Variants in NRG1 observed in about 807,000 individuals in gnomAD.
NRG1 encodes the protein pro-neuregulin-1, membrane-bound isoform.
In NRG1, 18 loss-of-function variants were observed where a neutral mutation model predicts 63.8. That is an observed-to-expected ratio of 0.28 (90% CI 0.19 to 0.42). The LOEUF is 0.42. Among genes scored for constraint, NRG1 ranks in the 10% least tolerant of loss-of-function variants. The probability of loss-of-function intolerance (pLI) is 1.00; values close to 1 mark genes in which losing one functional copy is unlikely to be tolerated. For synonymous variants in NRG1, 302 were observed against 301.3 expected, an observed-to-expected ratio of 1.00 and a Z score of -0.02; for missense variants, 762 against 814.7, an observed-to-expected ratio of 0.94 and a Z score of 0.79.
chr8:32,422,999 G>A (rs1046908061), intron 1 of NRG1, among the ~76,000 whole-genome samples: 1 of 152,176 alleles, frequency 6.6e-6, no homozygotes, highest in African/African-American at 2.4e-5. Flanking sequence ...AAGCCCTTTG[G>A]AGATGCCCCC....
chr8:32,548,816 C>A (rs762097528), exon 1 of NRG1: 20 of 1,570,246 alleles, frequency 1.3e-5, no homozygotes, highest in East Asian at 4.6e-5. Context: ...CGGCGGGCAG[C>A]CAGAGCCCAG....
intron 1 of NRG1, among the ~76,000 whole-genome samples, chr8:31,946,144 A>G (rs1234345547): frequency 6.6e-6 from 1 of 152,190 alleles, no homozygotes; most frequent in Non-Finnish European, 1.5e-5. Flanking sequence ...CAGCTTTATA[A>G]TTGCCTAAAC....
intron 1 of NRG1, among the ~76,000 whole-genome samples, chr8:31,721,528 C>T (rs1812914683): frequency 6.6e-6 from 1 of 152,152 alleles, no homozygotes; most frequent in African/African-American, 2.4e-5. Flanking sequence ...AGAGCATCAC[C>T]TCCTATCAGA....
chr8:32,375,768 G>A (rs1681817524), intron 1 of NRG1, among the ~76,000 whole-genome samples: 1 of 152,192 alleles, frequency 6.6e-6, no homozygotes. Flanking sequence ...GTCTTCTGCT[G>A]TAAAGAGCTG....
rs117528428 is a variant in NRG1, at chr8:31,686,637, A to C, written c.37+47206A>C. ...GCTACTTTTTATATAATGAGATTTT[A>C]TATTCCATAAATTATTATTTGACTT... On this transcript the variant is annotated intron_variant, in intron 1 of 10. Coordinates refer to the NRG1 transcript ENST00000519301. Among the ~76,000 whole-genome samples the C allele has an allele frequency of 0.013, 2,005 of 152,274 alleles. 63 individuals are homozygous for C. The South Asian group carries it at 0.14, about 11-fold the overall frequency.
At chr8:32,254,599 G>A (rs1849475481) in intron 1 of NRG1, among the ~76,000 whole-genome samples, 1 of 152,152 alleles carries the variant, frequency 6.6e-6, no homozygotes, top group Admixed American at 6.5e-5. Context: ...TTCCAATTAT[G>A]TGGTCAGTTT....
At chr8:31,741,703 A>C (rs547722373) in intron 1 of NRG1, among the ~76,000 whole-genome samples, 2 of 152,148 alleles carry the variant, frequency 1.3e-5, no homozygotes, top group Non-Finnish European at 2.9e-5. Flanking sequence ...AAAATCTAGA[A>C]ATTATGACAA....
At chr8:32,331,517 G>A (rs561765234) in intron 1 of NRG1, among the ~76,000 whole-genome samples, 1 of 151,976 alleles carries the variant, frequency 6.6e-6, no homozygotes, top group Admixed American at 6.6e-5. Context: ...GGTGACAGAG[G>A]GAGATCTTGT....
chr8:32,421,475 G>A (rs1208172866), intron 1 of NRG1, among the ~76,000 whole-genome samples: 2 of 152,162 alleles, frequency 1.3e-5, no homozygotes, highest in African/African-American at 4.8e-5. Flanking sequence ...CAGGCACGCC[G>A]CATGATGAGT....
chr8:31,865,085 G>T (rs535797327), intron 1 of NRG1, among the ~76,000 whole-genome samples: 1 of 152,136 alleles, frequency 6.6e-6, no homozygotes, highest in African/African-American at 2.4e-5. Flanking sequence ...GGGCCAAAGC[G>T]TTTTCAGTTT....
At chr8:32,218,104 C>T (rs909489399) in intron 1 of NRG1, among the ~76,000 whole-genome samples, 5 of 152,102 alleles carry the variant, frequency 3.3e-5, no homozygotes, top group East Asian at 1.9e-4. Flanking sequence ...AAAATAGTGG[C>T]GATATTAAGA....
At chr8:32,296,646 A>G (rs1186346843) in intron 1 of NRG1, among the ~76,000 whole-genome samples, 6 of 151,746 alleles carry the variant, frequency 4.0e-5, no homozygotes, top group African/African-American at 1.2e-4. Context: ...TTCCTTAAAA[A>G]CAAAAAAAGC....
At position 32,764,522 on chromosome 8, in the gene NRG1, A is replaced by G; in HGVS notation, c.*120A>G. 7 of 942,254 alleles carry G rather than the reference A, an allele frequency of 7.4e-6. No homozygotes were observed. In the South Asian group the frequency reaches 1.2e-4, roughly 17 times the overall value. 58.4% of individuals were successfully genotyped at this position (942,254 alleles called of 1,614,324 possible). On this transcript the variant is annotated 3_prime_UTR_variant, in exon 12 of 12. Transcript: ENST00000356819. ...TCTGCAAATAGAAAACAGGAAAAAAACTTTTATAAATTAAATATATGTATG... is the reference window on the plus strand; with the variant it reads ...TCTGCAAATAGAAAACAGGAAAAAAGCTTTTATAAATTAAATATATGTATG...
chr8:32,171,266 G>C (rs1840000303), intron 1 of NRG1: 1 of 152,156 alleles, frequency 6.6e-6, no homozygotes. Context: ...TGGGATACAT[G>C]TGCAGAACAT....
At chr8:32,042,990 A>G (rs77925862) in intron 1 of NRG1, among the ~76,000 whole-genome samples, 32 of 9,516 alleles carry the variant, frequency 3.4e-3, no homozygotes, top group East Asian at 0.01. Context: ...GTGTGTGTGT[A>G]TGAACATGTA....
chr8:32,706,297 T>C lies in NRG1; in HGVS notation c.503-21652T>C, dbSNP rs577232095. The stretch of plus-strand genomic sequence containing the variant: ...CAAACAGATCAGATGTAGGCATAGA[T>C]ATATTAGAATACTTTATATCTTCTC... On this transcript the variant is annotated intron_variant, in intron 5 of 11. Coordinates refer to ENST00000356819, the Ensembl canonical transcript of NRG1. Among the ~76,000 whole-genome samples, 122 of 152,326 alleles carry C rather than the reference T, an allele frequency of 8.0e-4. 1 individual carries two copies. Among genetic ancestry groups the C allele is most frequent in the African/African-American group, 2.8e-3 (117 of 41,570 alleles).
At chr8:32,355,769 T>A (rs781624833) in intron 1 of NRG1, among the ~76,000 whole-genome samples, 16 of 152,172 alleles carry the variant, frequency 1.1e-4, no homozygotes, top group Non-Finnish European at 2.9e-5. Flanking sequence ...ATTTTAATCT[T>A]TTGTTTTTCC....
At chr8:32,562,279 G>A (rs540526039) in intron 1 of NRG1, among the ~76,000 whole-genome samples, 5 of 152,198 alleles carry the variant, frequency 3.3e-5, no homozygotes, top group African/African-American at 1.2e-4. Flanking sequence ...GACAGGTCTC[G>A]TTTGGTCGCC....
At chr8:32,437,020 G>C (rs187537233) in intron 1 of NRG1, among the ~76,000 whole-genome samples, 1 of 152,160 alleles carries the variant, frequency 6.6e-6, no homozygotes, top group Admixed American at 6.6e-5. Context: ...GTTTGGGACT[G>C]TTTATGCCTT....
Sources: gnomAD v4.1 joint callset for allele counts (sites outside exome capture counted in the v4.1 genomes callset) on GRCh38, gnomAD v4.1.1 for gene constraint, MANE v1.5 for transcripts, NCBI Gene and HGNC (gene_info 2026-07-23, HGNC 2026-07-21) for gene names.